HSD17B12: variants seen among roughly 807,000 people sequenced by gnomAD.
The protein encoded by HSD17B12 is very-long-chain 3-oxoacyl-CoA reductase.
A neutral mutation model predicts 39.3 loss-of-function variants in HSD17B12; 32 were observed. The observed-to-expected ratio is 0.81, with a 90% CI of 0.61 to 1.09. The LOEUF (loss-of-function observed/expected upper bound fraction) is 1.09. HSD17B12 is among the 50% of genes least tolerant of loss of function. HSD17B12 has a pLI of 0.00. For missense variants in HSD17B12, 342 were observed against 382.9 expected, an observed-to-expected ratio of 0.89 and a Z score of 0.89; for synonymous variants, 150 against 146.7, an observed-to-expected ratio of 1.02 and a Z score of -0.16.
At chr11:43,777,978 A>G (rs1349571447) in intron 3 of HSD17B12, among the ~76,000 whole-genome samples, 1 of 152,200 alleles carries the variant, frequency 6.6e-6, no homozygotes, top group Non-Finnish European at 1.5e-5. Flanking sequence ...AGAAATAATT[A>G]AAATCAGAGC....
At position 43,682,544 on chromosome 11, in the gene HSD17B12, CAAAAA is replaced by C. The variant is rs55938101; in HGVS notation, c.160+1575_160+1579del. ...CTGGGTGACAGAGCGAGACTCATCT[CAAAAA>C]AAAAAAAAAAAAAAAAACAGAAAGT... On this transcript the variant is annotated intron_variant, in intron 1 of 10. Coordinates refer to ENST00000278353, the MANE Select transcript of HSD17B12 (RefSeq NM_016142.3). Among the ~76,000 whole-genome samples, 45 of 118,462 alleles carry C rather than the reference CAAAAA, an allele frequency of 3.8e-4. 2 individuals are homozygous for C. In the East Asian group the frequency reaches 7.3e-3, roughly 19 times the overall value. 77.7% of individuals were successfully genotyped at this position (118,462 alleles called of 152,430 possible).
At chr11:43,659,901 A>G in the HSD17B12 span, among the ~76,000 whole-genome samples, 3 of 152,204 alleles carry the variant, frequency 2.0e-5, no homozygotes, top group Non-Finnish European at 4.4e-5. Context: ...TACCAGTGCC[A>G]AAGTCAATTT....
chr11:43,564,754 T>C, the HSD17B12 span, among the ~76,000 whole-genome samples: 1 of 152,184 alleles, frequency 6.6e-6, no homozygotes, highest in African/African-American at 2.4e-5. Context: ...TTTAAACCAA[T>C]TGGAACCCAT....
chr11:43,684,058 C>T (rs1949775199), intron 1 of HSD17B12, among the ~76,000 whole-genome samples: 1 of 152,214 alleles, frequency 6.6e-6, no homozygotes, highest in African/African-American at 2.4e-5. Flanking sequence ...GCTTTCAAGA[C>T]TGTCCATTAC....
the HSD17B12 span, among the ~76,000 whole-genome samples, chr11:43,605,727 A>G: frequency 7.7e-4 from 117 of 152,310 alleles, no homozygotes; most frequent in Non-Finnish European, 6.8e-4. Flanking sequence ...ATCTAACAAA[A>G]CAGAGTATAC....
At chr11:43,735,728 A>G (rs1183125750) in intron 1 of HSD17B12, among the ~76,000 whole-genome samples, 1 of 152,200 alleles carries the variant, frequency 6.6e-6, no homozygotes, top group Non-Finnish European at 1.5e-5. Context: ...ACACTGCTGT[A>G]AAGAACTACC....
intron 1 of HSD17B12, among the ~76,000 whole-genome samples, chr11:43,742,313 GT>G (rs1001296846): frequency 4.7e-5 from 7 of 148,388 alleles, no homozygotes; most frequent in Middle Eastern, 3.5e-3. Flanking sequence ...ATTTTCTTGA[GT>G]TTTTTTTTGT....
intron 1 of HSD17B12, among the ~76,000 whole-genome samples, chr11:43,727,921 G>C (rs1162902044): frequency 6.6e-6 from 1 of 152,002 alleles, no homozygotes; most frequent in African/African-American, 2.4e-5. Context: ...GTGCTTTTTT[G>C]TTTGTTTCAT....
At chr11:43,648,103 C>CAA in the HSD17B12 span, among the ~76,000 whole-genome samples, 6 of 151,748 alleles carry the variant, frequency 4.0e-5, no homozygotes, top group African/African-American at 9.7e-5. Flanking sequence ...CTTAAAGCCT[C>CAA]AAAAAAAATC....
chr11:43,762,761 T>TA (rs1352577651), intron 3 of HSD17B12, among the ~76,000 whole-genome samples: 3 of 152,246 alleles, frequency 2.0e-5, no homozygotes, highest in Non-Finnish European at 4.4e-5. Context: ...TGCCAACTAT[T>TA]AAGAGTATTT....
chr11:43,694,345 AG>A, intron 1 of HSD17B12, among the ~76,000 whole-genome samples: 1 of 152,122 alleles, frequency 6.6e-6, no homozygotes, highest in Middle Eastern at 3.2e-3. Flanking sequence ...GGTGATTTTA[AG>A]GCCATTTGGA....
chr11:43,622,952 T>C, the HSD17B12 span, among the ~76,000 whole-genome samples: 7 of 152,258 alleles, frequency 4.6e-5, no homozygotes, highest in East Asian at 1.3e-3. Context: ...AGGTTTATGA[T>C]CAAAACTTTT....
At chr11:43,714,449 T>C (rs1950101001) in intron 1 of HSD17B12, among the ~76,000 whole-genome samples, 1 of 152,242 alleles carries the variant, frequency 6.6e-6, no homozygotes, top group Admixed American at 6.5e-5. Flanking sequence ...TGTGGTATTA[T>C]TTCTGAGGGT....
chr11:43,733,693 G>A, intron 1 of HSD17B12: 1 of 525,484 alleles, frequency 1.9e-6, no homozygotes, highest in Non-Finnish European at 3.6e-6. Flanking sequence ...AAAAAAAGGG[G>A]TTTAGGGGGA....
At chr11:43,715,927 T>G (rs961071611) in intron 1 of HSD17B12, among the ~76,000 whole-genome samples, 1 of 152,212 alleles carries the variant, frequency 6.6e-6, no homozygotes, top group Non-Finnish European at 1.5e-5. Context: ...TGGGATTGAA[T>G]TATGACTCTG....
the HSD17B12 span, among the ~76,000 whole-genome samples, chr11:43,622,405 G>A: frequency 6.6e-6 from 1 of 151,132 alleles, no homozygotes; most frequent in Non-Finnish European, 1.5e-5. Context: ...AACCAGTGTG[G>A]GCAATTAAAG....
chr11:43,828,624 T>A (rs954408482), intron 6 of HSD17B12, among the ~76,000 whole-genome samples: 1 of 152,156 alleles, frequency 6.6e-6, no homozygotes, highest in Admixed American at 6.5e-5. Context: ...AACAAAAATT[T>A]TTCTGGTGCA....
intron 1 of HSD17B12, among the ~76,000 whole-genome samples, chr11:43,749,195 C>T (rs947156883): frequency 6.6e-6 from 1 of 152,102 alleles, no homozygotes; most frequent in African/African-American, 2.4e-5. Flanking sequence ...TGAGAAAGCA[C>T]AAACCTATGA....
the HSD17B12 span, among the ~76,000 whole-genome samples, chr11:43,583,756 CA>C: frequency 6.6e-6 from 1 of 152,034 alleles, no homozygotes; most frequent in Non-Finnish European, 1.5e-5. Context: ...CCTTTTGAAC[CA>C]GGGGCCTGAT....
Sources: gnomAD v4.1 joint callset for allele counts (sites outside exome capture counted in the v4.1 genomes callset) on GRCh38, gnomAD v4.1.1 for gene constraint, MANE v1.5 for transcripts, NCBI Gene and HGNC (gene_info 2026-07-23, HGNC 2026-07-21) for gene names.